SYN3: variants seen among roughly 807,000 people sequenced by gnomAD.
The protein encoded by SYN3 is synapsin III.
SYN3 carries 35 observed loss-of-function variants against 65.8 expected under a neutral mutation model. That is an observed-to-expected ratio of 0.53 (90% CI 0.41 to 0.70). SYN3 has a LOEUF of 0.70. Among genes scored for constraint, SYN3 ranks in the 30% least tolerant of loss-of-function variants. SYN3 has a pLI of 0.00. For synonymous variants in SYN3, 270 were observed against 292.9 expected (o/e 0.92, Z 0.80); for missense variants, 680 against 749.0 (o/e 0.91, Z 1.08).
At chr22:32,601,687 G>C (rs1466908631) in intron 6 of SYN3, among the ~76,000 whole-genome samples, 2 of 152,200 alleles carry the variant, frequency 1.3e-5, no homozygotes, top group Non-Finnish European at 2.9e-5. Flanking sequence ...GGTAATTTGG[G>C]GCCAGATTAT....
intron 4 of SYN3, among the ~76,000 whole-genome samples, chr22:32,905,577 A>G (rs1406627390): frequency 6.6e-6 from 1 of 152,228 alleles, no homozygotes; most frequent in Non-Finnish European, 1.5e-5. Flanking sequence ...TTTGATTCTC[A>G]CAGGCGCATT....
chr22:32,640,876 A>C (rs750328844), intron 6 of SYN3, among the ~76,000 whole-genome samples: 37 of 152,108 alleles, frequency 2.4e-4, no homozygotes, highest in Admixed American at 1.3e-3. Context: ...CGGAAAAAAA[A>C]AAATCTATTC....
intron 6 of SYN3, among the ~76,000 whole-genome samples, chr22:32,852,968 C>T (rs2048264501): frequency 1.3e-5 from 2 of 152,138 alleles, no homozygotes; most frequent in South Asian, 2.1e-4. Flanking sequence ...GGGGACAGAA[C>T]GTGGGGGACA....
At chr22:32,751,740 G>A (rs776575675) in intron 6 of SYN3, among the ~76,000 whole-genome samples, 2 of 152,190 alleles carry the variant, frequency 1.3e-5, no homozygotes, top group Non-Finnish European at 2.9e-5. Flanking sequence ...GAGCCGTTGA[G>A]GAAAGGCTTG....
At chr22:32,578,184 CTCTTTCTT>C (rs71724252) in intron 7 of SYN3, among the ~76,000 whole-genome samples, 3 of 150,940 alleles carry the variant, frequency 2.0e-5, no homozygotes, top group Middle Eastern at 3.4e-3. Flanking sequence ...TTCTTTCTTT[CTCTTTCTT>C]TCTTTCTCTC....
chr22:32,735,523 TTTTG>T (rs143760247), intron 6 of SYN3, among the ~76,000 whole-genome samples: 16,708 of 151,976 alleles, frequency 0.11, 983 homozygotes, highest in Non-Finnish European at 0.13. Flanking sequence ...TTGTTTTGTT[TTTTG>T]TTTGTTTGTT....
At chr22:32,562,249 G>A (rs1190393208) in intron 7 of SYN3, among the ~76,000 whole-genome samples, 3 of 152,210 alleles carry the variant, frequency 2.0e-5, no homozygotes, top group African/African-American at 4.8e-5. Flanking sequence ...TTGCCGAAAC[G>A]TCTCCAGCCG....
At chr22:32,757,544 G>T (rs1337165389) in intron 6 of SYN3, among the ~76,000 whole-genome samples, 1 of 152,028 alleles carries the variant, frequency 6.6e-6, no homozygotes, top group Admixed American at 6.6e-5. Context: ...TGATCCGCCA[G>T]CCTTGGCCTC....
At chr22:32,868,522 C>T (rs2048751341) in intron 5 of SYN3, among the ~76,000 whole-genome samples, 1 of 151,888 alleles carries the variant, frequency 6.6e-6, no homozygotes, top group African/African-American at 2.4e-5. Context: ...CTCACCACAA[C>T]CTCCGCCTCC....
chr22:32,971,261 T>A (rs2052010457), intron 3 of SYN3, among the ~76,000 whole-genome samples: 2 of 152,194 alleles, frequency 1.3e-5, no homozygotes, highest in African/African-American at 4.8e-5. Context: ...ATGAGTTATG[T>A]TTCAGCTAAT....
intron 6 of SYN3, among the ~76,000 whole-genome samples, chr22:32,691,667 A>G (rs2060663126): frequency 2.0e-5 from 3 of 151,832 alleles, no homozygotes; most frequent in Admixed American, 6.6e-5. Context: ...GTTATGGGGG[A>G]GAAACGCTTG....
At chr22:32,625,207 C>T (rs956564089) in intron 6 of SYN3, among the ~76,000 whole-genome samples, 9 of 152,136 alleles carry the variant, frequency 5.9e-5, no homozygotes, top group East Asian at 1.9e-4. Flanking sequence ...TGAATGTGGA[C>T]GGATTTCACT....
chr22:32,815,951 A>G (rs2047078864), intron 6 of SYN3, among the ~76,000 whole-genome samples: 2 of 152,142 alleles, frequency 1.3e-5, no homozygotes, highest in Non-Finnish European at 2.9e-5. Flanking sequence ...TCTGCTCTTG[A>G]GTCTCAACAC....
intron 6 of SYN3, among the ~76,000 whole-genome samples, chr22:32,813,768 G>A (rs949203692): frequency 5.9e-5 from 9 of 151,640 alleles, no homozygotes; most frequent in African/African-American, 1.9e-4. Flanking sequence ...CCTCGTTCAT[G>A]GCTAGTTGCC....
intron 6 of SYN3, among the ~76,000 whole-genome samples, chr22:32,641,227 C>G (rs1294121233): frequency 1.3e-5 from 2 of 152,168 alleles, no homozygotes; most frequent in Non-Finnish European, 1.5e-5. Context: ...GTGGAGCTCA[C>G]GTGTTCAGAA....
At position 32,936,743 on chromosome 22, in the gene SYN3, G is replaced by A. The variant is rs557965557; in HGVS notation, c.370-5262C>T. Among the ~76,000 whole-genome samples, 59 of 152,304 alleles carry A rather than the reference G, an allele frequency of 3.9e-4. 1 individual carries two copies. In the South Asian group the frequency reaches 0.012, roughly 30 times the overall value. On this transcript the variant is annotated intron_variant, in intron 3 of 13. Coordinates refer to ENST00000358763, the MANE Select transcript of SYN3 (RefSeq NM_003490.4). ...GGGACTGAATTATCCCTGGCCAACA[G>A]CATGCTCTGGATCTAGGACGACCAG...
At position 32,511,661 on chromosome 22, in the gene SYN3, C is replaced by A. The variant is rs1568988438; in HGVS notation, c.*2031G>T. On this transcript the variant is annotated 3_prime_UTR_variant, in exon 14 of 14. Coordinates refer to ENST00000358763, the MANE Select transcript of SYN3 (RefSeq NM_003490.4). Reference sequence around the variant, plus strand: ...CAGGCCTTCACCTCTTCACCTCTCACCTCACACAATGGCTATTTTATTTGC... The same window carrying A: ...CAGGCCTTCACCTCTTCACCTCTCAACTCACACAATGGCTATTTTATTTGC... Among the ~76,000 whole-genome samples, 1 of 152,230 alleles carries A rather than the reference C, an allele frequency of 6.6e-6. No individual in the cohort carries two copies.
rs375253346 is a variant in SYN3, at chr22:32,665,591, G to A, written c.712-68855C>T. On this transcript the variant is annotated intron_variant, in intron 6 of 13. Transcript: ENST00000358763. ...GGGCTGGTTCCATATTTTTGCAATC[G>A]CGAATTTTTAGCAGCAGAATTTAAT... 2.7e-3 allele frequency among the ~76,000 whole-genome samples: 411 copies of A among 151,358 alleles called. 1 individual carries two copies. The highest frequency in any genetic ancestry group is 9.2e-3 in the African/African-American group (379 of 41,196).
At chr22:32,591,349 G>A (rs528772644) in intron 7 of SYN3, among the ~76,000 whole-genome samples, 1 of 152,326 alleles carries the variant, frequency 6.6e-6, no homozygotes, top group East Asian at 1.9e-4. Context: ...TCGAATGTGA[G>A]ATGTTCTTAC....
Sources: allele counts gnomAD v4.1 joint callset (sites outside exome capture counted in the v4.1 genomes callset), GRCh38; gene constraint gnomAD v4.1.1; transcripts MANE v1.5; gene names NCBI Gene and HGNC (gene_info 2026-07-23, HGNC 2026-07-21).